Variants in CD151 observed in about 807,000 individuals in gnomAD.
CD151 encodes the protein CD151 molecule (Raph blood group).
Under a neutral mutation model 34.2 loss-of-function variants are expected in CD151, and 20 were observed. That is an observed-to-expected ratio of 0.58 (90% CI 0.41 to 0.85). The LOEUF (loss-of-function observed/expected upper bound fraction) is 0.85, where lower values mean the gene tolerates loss of function less well. Ranked by LOEUF, CD151 falls within the 40% of genes least tolerant of loss-of-function variation. CD151 has a pLI of 0.00. For missense variants in CD151, 306 were observed against 324.5 expected, an observed-to-expected ratio of 0.94 and a Z score of 0.44; for synonymous variants, 157 against 131.7, an observed-to-expected ratio of 1.19 and a Z score of -1.32.
rs1346187221 is a variant in CD151 at position 837,934 on chromosome 11, C to T, written c.616-8C>T. ...GGCCCGCCTTCAACACCCATCCGCG[C>T]CCCGCAGGGCGGCTGCATCACCAAG... On this transcript the variant is annotated splice_polypyrimidine_tract_variant and splice_region_variant and intron_variant, in intron 7 of 8. Coordinates refer to ENST00000397420, the MANE Select transcript of CD151 (RefSeq NM_004357.5). 2 of 1,608,916 alleles carry T rather than the reference C, an allele frequency of 1.2e-6. No homozygotes were observed. Among genetic ancestry groups the T allele is most frequent in the Middle Eastern group, 1.7e-4 (1 of 6,016 alleles).
chr11:833,708 C>T (rs1846631178), intron 1 of CD151, among the ~76,000 whole-genome samples: 1 of 152,176 alleles, frequency 6.6e-6, no homozygotes, highest in African/African-American at 2.4e-5. Context: ...CGGTGGAGGA[C>T]GCATCTGTGC....
intron 4 of CD151, 77 bp from the exon 5 acceptor site, chr11:836,692 G>A: frequency 7.1e-6 from 10 of 1,417,272 alleles, no homozygotes; most frequent in Middle Eastern, 1.8e-4. Flanking sequence ...GAGCCGGGGT[G>A]GGGACTCTGC....
Position 838,000 on chromosome 11 carries a change from C to T in CD151, c.674C>T (p.Ala225Val). The T allele has an allele frequency of 6.2e-7, 1 of 1,613,408 alleles. No homozygotes were observed. The highest frequency in any genetic ancestry group is 8.5e-7 in the Non-Finnish European group (1 of 1,179,838). ...FIQEHLRVIGAVGIGIACVQV... is the reference protein window; with the variant it reads ...FIQEHLRVIGVVGIGIACVQV... ...CAGGAGCACCTGAGGGTCATTGGGG[C>T]TGTGGGGATCGGCATTGCCTGTGTG... The change falls in exon 8 of 9, where the codon GCT becomes GTT. Residue 225 changes from alanine (A) to valine (V), a missense_variant. Physicochemically the swap from Ala to Val is moderately conservative, Grantham distance 64. Coordinates refer to ENST00000397420, the MANE Select transcript of CD151 (RefSeq NM_004357.5).
In CD151 at chr11:838,010, C is replaced by A. The variant is rs764046037; in HGVS notation, c.684C>A (p.Ile228=). 3 of 1,613,316 alleles carry A rather than the reference C, an allele frequency of 1.9e-6. No homozygotes were observed. ...TGAGGGTCATTGGGGCTGTGGGGAT[C>A]GGCATTGCCTGTGTGCAGGTGAGGG... is the stretch of plus-strand genomic sequence containing the variant. The part of the protein sequence containing the change: ...EHLRVIGAVG[I]GIACVQVFGM... Residue 228 remains isoleucine (I), a synonymous_variant, in exon 8 of 9, where the codon ATC becomes ATA. Coordinates refer to ENST00000397420, the MANE Select transcript of CD151 (RefSeq NM_004357.5).
rs771213389 is a variant in CD151, at chr11:838,239, A to G, written c.*47A>G. ...TGCTGCACCCAACTACTGAGCTGAG[A>G]CCACTGAGTACCAGGGGCTGGGCTC... is the stretch of plus-strand genomic sequence containing the variant. On this transcript the variant is annotated 3_prime_UTR_variant, in exon 9 of 9. Transcript: ENST00000397420. 1 of 1,496,632 alleles carries G rather than the reference A, an allele frequency of 6.7e-7. No homozygotes were observed. The highest frequency in any genetic ancestry group is 1.7e-5 in the Admixed American group (1 of 59,802). The allele number at this position is 1,496,632 out of a possible 1,614,324, so 92.7% of individuals were successfully genotyped here. A position where few individuals can be genotyped will look rare whatever the true frequency, so the allele number is the denominator to read the frequency against.
At chr11:835,891 G>A in intron 2 of CD151, 172 bp from the exon 3 acceptor site, 2 of 597,940 alleles carry the variant, frequency 3.3e-6, no homozygotes, top group Non-Finnish European at 6.1e-6. Context: ...GTTTCACCGT[G>A]TTAGCCAGGA....
rs535304873 is a variant in CD151 at position 838,390 on chromosome 11, A to T, written c.*198A>T. On this transcript the variant is annotated 3_prime_UTR_variant, in exon 9 of 9. Coordinates refer to ENST00000397420, the MANE Select transcript of CD151 (RefSeq NM_004357.5). Reference sequence around the variant, plus strand: ...GAGGTGAGGGGGGCTGGCGGGGCGAAGTTTGGGGGGTGTTTTGTGGGGCTC... The same window carrying T: ...GAGGTGAGGGGGGCTGGCGGGGCGATGTTTGGGGGGTGTTTTGTGGGGCTC... 3,080 of 389,164 alleles carry T rather than the reference A, an allele frequency of 7.9e-3. 3 individuals carry two copies. The highest frequency in any genetic ancestry group is 0.014 in the African/African-American group (603 of 43,984). 24.1% of individuals were successfully genotyped at this position (389,164 alleles called of 1,614,324 possible). A position where few individuals can be genotyped will look rare whatever the true frequency, so the allele number is the denominator to read the frequency against.
In CD151 at chr11:836,853, C is replaced by T; in HGVS notation, c.351+10C>T. The T allele has an allele frequency of 6.2e-7, 1 of 1,611,592 alleles. No homozygotes were observed. The highest frequency in any genetic ancestry group is 1.1e-5 in the South Asian group (1 of 91,044). ...CGCCTACTACCAGCAGGTGAGGGGC[C>T]TGGGCAGGCCATTCAGAGACACAGA... On this transcript the variant is annotated intron_variant, in intron 5 of 8. Coordinates refer to ENST00000397420, the MANE Select transcript of CD151 (RefSeq NM_004357.5).
At chr11:837,878 G>A in intron 7 of CD151, 64 bp from the exon 8 acceptor site, 1 of 1,301,670 alleles carries the variant, frequency 7.7e-7, no homozygotes, top group South Asian at 1.3e-5. Context: ...GGAGGCTGGA[G>A]GCAGTAGGGG....
In CD151 at chr11:836,108, C is replaced by T. The variant is rs375925871; in HGVS notation, c.39C>T (p.Thr13=). ...EFNEKKTTCG[T]VCLKYLLFTY... ...ACGAGAAGAAGACAACATGTGGCAC[C>T]GTTTGCCTCAAGTACCTGCTGTTTA... The change falls in exon 3 of 9, where the codon ACC becomes ACT. Residue 13 remains threonine, a synonymous_variant. Transcript: ENST00000397420. 1.1e-5 allele frequency: 18 copies of T among 1,612,772 alleles called. No individual in the cohort carries two copies. Among genetic ancestry groups the T allele is most frequent in the African/African-American group, 5.3e-5 (4 of 74,912 alleles).
chr11:837,411 C>A, intron 6 of CD151, 49 bp from the exon 7 acceptor site: 1 of 1,611,202 alleles, frequency 6.2e-7, no homozygotes, highest in South Asian at 1.1e-5. Context: ...TGGACCTCTG[C>A]AGGAGCCTCT....
chr11:836,762 C>A lies in CD151; in HGVS notation c.277-7C>A. On this transcript the variant is annotated splice_region_variant and splice_polypyrimidine_tract_variant and intron_variant, in intron 4 of 8. Coordinates refer to ENST00000397420, the MANE Select transcript of CD151 (RefSeq NM_004357.5). ...GAACAAGGGTGCCCTTGTGCTGCCC[C>A]CCCCAGTACTTCATCCTGCTCCTCA... 2 of 1,612,644 alleles carry A rather than the reference C, an allele frequency of 1.2e-6. No homozygotes were observed. The highest frequency in any genetic ancestry group is 1.1e-5 in the South Asian group (1 of 91,076).
chr11:835,353 TTTA>T (rs1362624150), intron 2 of CD151: 1 of 152,358 alleles, frequency 6.6e-6, no homozygotes, highest in Non-Finnish European at 1.5e-5. Context: ...TTTTTTCTTT[TTTA>T]TTGAGATGGA....
At chr11:837,913 C>G (rs35325640) in intron 7 of CD151, 29 bp from the exon 8 acceptor site, 1 of 1,572,992 alleles carries the variant, frequency 6.4e-7, no homozygotes, top group African/African-American at 1.4e-5. Flanking sequence ...CCCCTGGGCC[C>G]GCCTTCAACA....
chr11:836,958 C>A lies in CD151; in HGVS notation c.351+115C>A, dbSNP rs936863228. The A allele has an allele frequency of 6.3e-5, 58 of 927,026 alleles. No homozygotes were observed. The Admixed American group carries it at 1.1e-3, about 18-fold the overall frequency. 57.4% of individuals were successfully genotyped at this position (927,026 alleles called of 1,614,324 possible). On this transcript the variant is annotated intron_variant, in intron 5 of 8. Transcript: ENST00000397420. Reference sequence around the variant, plus strand: ...CCCACCCCCATGGTCCCAGAGCTAACCAATGTGCCACTGGGCCCTGGAGAT... The same window carrying A: ...CCCACCCCCATGGTCCCAGAGCTAAACAATGTGCCACTGGGCCCTGGAGAT...
At position 836,255 on chromosome 11, in the gene CD151, C is replaced by T; in HGVS notation, c.89C>T (p.Ala30Val). The T allele has an allele frequency of 6.3e-7, 1 of 1,592,064 alleles. No homozygotes were observed. The change falls in exon 4 of 9, where the codon GCT (alanine) becomes GTT (valine). Residue 30 changes from alanine (A) to valine (V), a missense_variant. Coordinates refer to ENST00000397420, the MANE Select transcript of CD151 (RefSeq NM_004357.5). ...LFTYNCCFWL[A>V]GLAVMAVGIW... ...ACCTTTGTGTACTGCTTGTAGCTGGCTGGCCTGGCTGTCATGGCAGTGGGC... is the reference window on the plus strand; with the variant it reads ...ACCTTTGTGTACTGCTTGTAGCTGGTTGGCCTGGCTGTCATGGCAGTGGGC...
At position 838,421 on chromosome 11, in the gene CD151, A is replaced by G; in HGVS notation, c.*229A>G. 1.7e-6 allele frequency: 1 copy of G among 586,720 alleles called. No individual in the cohort carries two copies. Among genetic ancestry groups the G allele is most frequent in the African/African-American group, 1.9e-5 (1 of 53,572 alleles). 36.3% of individuals were successfully genotyped at this position (586,720 alleles called of 1,614,324 possible). On this transcript the variant is annotated 3_prime_UTR_variant, in exon 9 of 9. Coordinates refer to ENST00000397420, the MANE Select transcript of CD151 (RefSeq NM_004357.5). Reference sequence around the variant, plus strand: ...GGGGGTGTTTTGTGGGGCTCCCCAGACACACTCTCTGCCTGGTGGTCAGAT... The same window carrying G: ...GGGGGTGTTTTGTGGGGCTCCCCAGGCACACTCTCTGCCTGGTGGTCAGAT...
Position 837,536 on chromosome 11 carries a change from G to A in CD151, c.533G>A (p.Arg178His), listed in dbSNP as rs779114765. 20 of 1,612,938 alleles carry A rather than the reference G, an allele frequency of 1.2e-5. No individual in the cohort carries two copies. The highest frequency in any genetic ancestry group is 1.6e-4 in the Middle Eastern group (1 of 6,080). Residue 178 changes from arginine (R) to histidine (H), a missense_variant, in exon 7 of 9, where the codon CGT becomes CAT. Coordinates refer to ENST00000397420, the MANE Select transcript of CD151 (RefSeq NM_004357.5). ...EWIRSQEAGGRVVPDSCCKTV... is the reference protein window; with the variant it reads ...EWIRSQEAGGHVVPDSCCKTV... ...ATCCGCTCACAGGAGGCCGGTGGCC[G>A]TGTGGTCCCAGACAGCTGCTGCAAG...
In CD151 at chr11:838,281, C is replaced by G; in HGVS notation, c.*89C>G. ...GCTGGGCTCCCTGATGACACCCACC[C>G]TGTGCCATCACCATAACCTCTGGGG... is the stretch of plus-strand genomic sequence containing the variant. On this transcript the variant is annotated 3_prime_UTR_variant, in exon 9 of 9. Transcript: ENST00000397420. 1.8e-6 allele frequency: 2 copies of G among 1,096,200 alleles called. No individual in the cohort carries two copies. Among genetic ancestry groups the G allele is most frequent in the Non-Finnish European group, 2.8e-6 (2 of 715,774 alleles). 67.9% of individuals were successfully genotyped at this position (1,096,200 alleles called of 1,614,324 possible).
Sources: gnomAD v4.1 joint callset for allele counts (sites outside exome capture counted in the v4.1 genomes callset) on GRCh38, gnomAD v4.1.1 for gene constraint, MANE v1.5 for transcripts, NCBI Gene and HGNC (gene_info 2026-07-23, HGNC 2026-07-21) for gene names.